Variants in RSPO2 observed in about 807,000 individuals in gnomAD.
RSPO2 encodes R-spondin 2.
A neutral mutation model predicts 30.9 loss-of-function variants in RSPO2; 14 were observed. The observed-to-expected ratio is 0.45, with a 90% CI of 0.30 to 0.71. RSPO2 has a LOEUF of 0.71. Among genes scored for constraint, RSPO2 ranks in the 30% least tolerant of loss-of-function variants. RSPO2 has a pLI of 0.08. For synonymous variants in RSPO2, 107 were observed against 96.4 expected (o/e 1.11, Z -0.64); for missense variants, 264 against 301.9 (o/e 0.87, Z 0.93).
At chr8:107,940,130 G>A (rs1490907766) in intron 5 of RSPO2, among the ~76,000 whole-genome samples, 2 of 152,034 alleles carry the variant, frequency 1.3e-5, no homozygotes, top group African/African-American at 4.8e-5. Context: ...CTGGCTAAGG[G>A]CTTCATCTCA....
At chr8:107,963,056 C>T (rs1048871725) in intron 3 of RSPO2, among the ~76,000 whole-genome samples, 2 of 152,144 alleles carry the variant, frequency 1.3e-5, no homozygotes, top group African/African-American at 4.8e-5. Flanking sequence ...CTATCATGCT[C>T]TGTAAAGTCC....
intron 5 of RSPO2, among the ~76,000 whole-genome samples, chr8:107,929,437 A>G (rs1212729441): frequency 6.6e-6 from 1 of 152,218 alleles, no homozygotes; most frequent in Non-Finnish European, 1.5e-5. Flanking sequence ...AAAGCCAGCC[A>G]GATCCTGTGG....
At chr8:108,067,823 T>C (rs1430113276) in intron 2 of RSPO2, among the ~76,000 whole-genome samples, 2 of 152,140 alleles carry the variant, frequency 1.3e-5, no homozygotes, top group Non-Finnish European at 2.9e-5. Context: ...GCACGGTGGC[T>C]CACACCTGTA....
chr8:108,050,796 G>A (rs543322890), intron 2 of RSPO2, among the ~76,000 whole-genome samples: 1 of 152,160 alleles, frequency 6.6e-6, no homozygotes, highest in East Asian at 1.9e-4. Flanking sequence ...AGGGAAAGAA[G>A]TGGCCGAATA....
chr8:107,916,329 T>C (rs1412961275), intron 5 of RSPO2, among the ~76,000 whole-genome samples: 2 of 152,180 alleles, frequency 1.3e-5, no homozygotes, highest in African/African-American at 4.8e-5. Context: ...CCTGAGGACA[T>C]GTGGAGTTAG....
chr8:107,996,928 G>C (rs1563555946), intron 2 of RSPO2: 3 of 455,474 alleles, frequency 6.6e-6, no homozygotes. Context: ...CCATATCTTA[G>C]GTTATCTTTA....
At chr8:107,960,922 T>C in intron 3 of RSPO2, 105 bp from the exon 4 acceptor site, 1 of 783,716 alleles carries the variant, frequency 1.3e-6, no homozygotes, top group Non-Finnish European at 2.0e-6. Context: ...TTTGAAATTC[T>C]CATCATCAGA....
intron 5 of RSPO2, among the ~76,000 whole-genome samples, chr8:107,928,595 G>T (rs983332071): frequency 2.6e-5 from 4 of 152,138 alleles, no homozygotes; most frequent in African/African-American, 7.2e-5. Flanking sequence ...TTCCTAAAGT[G>T]GATGCTTTCC....
intron 2 of RSPO2, among the ~76,000 whole-genome samples, chr8:107,992,504 T>A (rs1009311161): frequency 1.3e-5 from 2 of 152,106 alleles, no homozygotes; most frequent in Non-Finnish European, 2.9e-5. Flanking sequence ...AAAACCCCCA[T>A]GACACAAGTT....
intron 2 of RSPO2, among the ~76,000 whole-genome samples, chr8:108,053,984 T>G (rs1324055704): frequency 6.6e-6 from 1 of 152,184 alleles, no homozygotes; most frequent in Non-Finnish European, 1.5e-5. Context: ...GAACCCCGAA[T>G]GTATTTCCTA....
intron 3 of RSPO2, among the ~76,000 whole-genome samples, chr8:107,968,736 T>C (rs901216600): frequency 1.3e-5 from 2 of 152,074 alleles, no homozygotes; most frequent in Admixed American, 6.6e-5. Flanking sequence ...ATAAAATACA[T>C]TTTAATCTAA....
chr8:108,082,443 C>T (rs1813234183), intron 2 of RSPO2, 102 bp downstream of exon 2: 5 of 844,520 alleles, frequency 5.9e-6, no homozygotes, highest in South Asian at 4.6e-5. Context: ...GGGTGGAGAG[C>T]ACAGCCCTGA....
chr8:107,908,525 G>A (rs1811724869), intron 5 of RSPO2, among the ~76,000 whole-genome samples: 2 of 152,080 alleles, frequency 1.3e-5, no homozygotes, highest in Admixed American at 6.5e-5. Flanking sequence ...TACCACAAGG[G>A]GGCAATAATT....
At chr8:107,981,415 G>A (rs1814427128) in intron 3 of RSPO2, among the ~76,000 whole-genome samples, 1 of 151,960 alleles carries the variant, frequency 6.6e-6, no homozygotes, top group African/African-American at 2.4e-5. Context: ...CAGCTACTTG[G>A]TGCACTGAGG....
intron 2 of RSPO2, among the ~76,000 whole-genome samples, chr8:108,069,492 G>A (rs528326250): frequency 3.2e-4 from 48 of 152,302 alleles, no homozygotes; most frequent in South Asian, 6.2e-4. Context: ...GATTACAGGT[G>A]TGAGCCACTA....
intron 5 of RSPO2, among the ~76,000 whole-genome samples, chr8:107,943,541 A>AT (rs1347905035): frequency 2.0e-5 from 3 of 152,198 alleles, no homozygotes; most frequent in African/African-American, 7.2e-5. Context: ...TGGTGGAGAA[A>AT]TTTCACGTAG....
chr8:107,906,901 CTTTTTTCTTGTGTGAGAACATT>C (rs1471455315), intron 5 of RSPO2, among the ~76,000 whole-genome samples: 1 of 151,790 alleles, frequency 6.6e-6, no homozygotes, highest in African/African-American at 2.4e-5. Flanking sequence ...ACCTAATATG[CTTTTTTCTTGTGTGAGAACATT>C]TTAAATCTAC....
chr8:107,985,853 A>T (rs1432091096), intron 3 of RSPO2, among the ~76,000 whole-genome samples: 4 of 152,192 alleles, frequency 2.6e-5, no homozygotes, highest in African/African-American at 9.6e-5. Context: ...GGTTTCCATA[A>T]GTATGGTTGA....
At position 107,908,790 on chromosome 8, in the gene RSPO2, A is replaced by G. The variant is rs1007036669; in HGVS notation, c.617-7600T>C. Among the ~76,000 whole-genome samples the G allele has an allele frequency of 4.6e-5, 7 of 152,236 alleles. No homozygotes were observed. In the South Asian group the frequency reaches 1.4e-3, roughly 32 times the overall value. On this transcript the variant is annotated intron_variant, in intron 5 of 5. Coordinates refer to ENST00000276659, the MANE Select transcript of RSPO2 (RefSeq NM_178565.5). ...AGAGAAGAAAAGAAAATTAAGAAGG[A>G]AAATCTGCTATTCAAATACTGATTT...
Sources: allele counts gnomAD v4.1 joint callset (sites outside exome capture counted in the v4.1 genomes callset), GRCh38; gene constraint gnomAD v4.1.1; transcripts MANE v1.5; gene names NCBI Gene and HGNC (gene_info 2026-07-23, HGNC 2026-07-21).